Variants in DSE observed in about 807,000 individuals in gnomAD.
The protein encoded by DSE is dermatan-sulfate epimerase.
In DSE, 36 loss-of-function variants were observed where a neutral mutation model predicts 84.4. The observed-to-expected ratio is 0.43, with a 90% CI of 0.33 to 0.56. The LOEUF is 0.56. Among genes scored for constraint, DSE ranks in the 20% least tolerant of loss-of-function variants. DSE has a pLI of 0.06. For synonymous variants in DSE, 410 were observed against 430.1 expected, an observed-to-expected ratio of 0.95 and a Z score of 0.58; for missense variants, 862 against 1,169.6, an observed-to-expected ratio of 0.74 and a Z score of 3.84.
At chr6:116,418,182 A>G (rs537729402) in intron 2 of DSE, among the ~76,000 whole-genome samples, 1 of 152,216 alleles carries the variant, frequency 6.6e-6, no homozygotes, top group South Asian at 2.1e-4. Context: ...GGAACAAACA[A>G]AATTTTTCTG....
chr6:116,341,560 C>T (rs1777595951), intron 2 of DSE, among the ~76,000 whole-genome samples: 1 of 152,168 alleles, frequency 6.6e-6, no homozygotes, highest in Admixed American at 6.5e-5. Context: ...GTCATAAAGT[C>T]CTTGCCCATG....
At chr6:116,376,197 TTCTC>T (rs1028322691) in intron 1 of DSE, among the ~76,000 whole-genome samples, 1 of 152,204 alleles carries the variant, frequency 6.6e-6, no homozygotes, top group Non-Finnish European at 1.5e-5. Flanking sequence ...CCTCTTCCAC[TTCTC>T]TCTATCTCTT....
intron 1 of DSE, chr6:116,256,481 T>A (rs186841980): frequency 6.6e-6 from 1 of 152,328 alleles, no homozygotes; most frequent in East Asian, 1.9e-4. Flanking sequence ...AATTGTATGG[T>A]CCCACACTTG....
intron 1 of DSE, among the ~76,000 whole-genome samples, chr6:116,383,581 C>A (rs1438133497): frequency 6.6e-6 from 1 of 152,194 alleles, no homozygotes; most frequent in Non-Finnish European, 1.5e-5. Flanking sequence ...AAATATCTGG[C>A]CATATTTCAG....
At chr6:116,310,368 A>C (rs1775616894) in intron 2 of DSE, among the ~76,000 whole-genome samples, 3 of 151,506 alleles carry the variant, frequency 2.0e-5, no homozygotes, top group African/African-American at 7.3e-5. Context: ...TAGGCAAAAT[A>C]ATTCTTTTTT....
chr6:116,407,202 T>C (rs1372824015), intron 2 of DSE, among the ~76,000 whole-genome samples: 6 of 152,108 alleles, frequency 3.9e-5, no homozygotes, highest in Non-Finnish European at 8.8e-5. Flanking sequence ...TTTTAACAAG[T>C]CCTCTATATG....
chr6:116,379,957 A>T (rs1484229895), intron 1 of DSE, among the ~76,000 whole-genome samples: 2 of 152,120 alleles, frequency 1.3e-5, no homozygotes, highest in African/African-American at 4.8e-5. Flanking sequence ...AAGGAAGTGG[A>T]GTTAGTGGTG....
intron 2 of DSE, among the ~76,000 whole-genome samples, chr6:116,403,214 C>A (rs1029313): frequency 5.3e-5 from 8 of 151,892 alleles, no homozygotes; most frequent in East Asian, 3.8e-4. Flanking sequence ...AGCTCTCCCC[C>A]GTTTCTCTCC....
At chr6:116,367,358 A>G (rs577721756), upstream of DSE, 5 of 152,392 alleles carry the variant, frequency 3.3e-5, no homozygotes, top group Admixed American at 6.5e-5. Flanking sequence ...GAAGAAAAAC[A>G]AAAAGCATTT....
chr6:116,366,012 T>C (rs77614264), upstream of DSE: 30,924 of 152,204 alleles, frequency 0.2, 3,341 homozygotes, highest in East Asian at 0.27. Context: ...GTATCTCTCA[T>C]TGACAGCCCC....
chr6:116,409,929 TAAAAG>T (rs1399488469), intron 2 of DSE, among the ~76,000 whole-genome samples: 3 of 152,050 alleles, frequency 2.0e-5, no homozygotes, highest in African/African-American at 7.2e-5. Context: ...GGCCTGGAGA[TAAAAG>T]AAAGCAGAGT....
chr6:116,257,880 T>C lies in DSE; in HGVS notation c.-575-566T>C, dbSNP rs532056784. On this transcript the variant is annotated intron_variant, in intron 1 of 3. Transcript: ENST00000430252. ...TATTAGAGGGGACAAAAACACTCAG[T>C]CTATAGCCTGCCCCCATCCATAAAA... Among the ~76,000 whole-genome samples, 41 of 152,232 alleles carry C rather than the reference T, an allele frequency of 2.7e-4. No homozygotes were observed. The South Asian group carries it at 3.9e-3, about 15-fold the overall frequency.
At chr6:116,262,565 C>T (rs1772457025) in intron 2 of DSE, among the ~76,000 whole-genome samples, 1 of 152,090 alleles carries the variant, frequency 6.6e-6, no homozygotes, top group Non-Finnish European at 1.5e-5. Context: ...AGAAAACCAG[C>T]TCCTGGATTC....
intron 1 of DSE, among the ~76,000 whole-genome samples, chr6:116,384,965 G>A (rs1780488690): frequency 6.6e-6 from 1 of 152,198 alleles, no homozygotes; most frequent in African/African-American, 2.4e-5. Flanking sequence ...TGGTAATGAT[G>A]TCATTTAAAT....
At chr6:116,341,248 A>G (rs1209713984) in intron 2 of DSE, among the ~76,000 whole-genome samples, 1 of 152,134 alleles carries the variant, frequency 6.6e-6, no homozygotes, top group Non-Finnish European at 1.5e-5. Context: ...GATGATGACC[A>G]TTTTTTAATG....
intron 2 of DSE, among the ~76,000 whole-genome samples, chr6:116,307,024 T>C (rs1775388936): frequency 6.6e-6 from 1 of 152,226 alleles, no homozygotes; most frequent in African/African-American, 2.4e-5. Flanking sequence ...CAGACTAATA[T>C]ACCTCCTCTG....
chr6:116,399,537 C>T lies in DSE; in HGVS notation c.287C>T (p.Ala96Val). The T allele has an allele frequency of 6.2e-7, 1 of 1,614,204 alleles. No homozygotes were observed. Among genetic ancestry groups the T allele is most frequent in the Non-Finnish European group, 8.5e-7 (1 of 1,180,048 alleles). ...LPPWDPKDYS[A>V]RWNEIFGNNL... is the part of the protein sequence containing the mutation. ...CCCTGGGATCCCAAGGACTACAGTG[C>T]CCGCTGGAATGAAATTTTTGGAAAC... is the stretch of plus-strand genomic sequence containing the variant. The change falls in exon 2 of 6, where the codon GCC (alanine) becomes GTC (valine). Residue 96 changes from alanine to valine, a missense_variant. Ala to Val is a moderately conservative substitution (Grantham distance 64, BLOSUM62 0). Around this residue, in one of 4 missense-constraint regions of DSE, gnomAD observed 309 missense variants for 516.9 expected, o/e 0.60. Transcript: ENST00000644252.
intron 2 of DSE, among the ~76,000 whole-genome samples, chr6:116,347,517 A>G (rs1583062434): frequency 6.6e-6 from 1 of 152,260 alleles, no homozygotes; most frequent in Admixed American, 6.5e-5. Context: ...ATCTTTGACA[A>G]ACCTGACAAA....
chr6:116,357,218 G>T (rs1778625232), intron 2 of DSE, among the ~76,000 whole-genome samples: 1 of 152,020 alleles, frequency 6.6e-6, no homozygotes, highest in Non-Finnish European at 1.5e-5. Flanking sequence ...CCCCTCCCTG[G>T]CTCATGCCCT....
Sources: allele counts gnomAD v4.1 joint callset (sites outside exome capture counted in the v4.1 genomes callset), GRCh38; gene constraint gnomAD v4.1.1; regional missense constraint gnomAD v4.1.1; transcripts MANE v1.5; gene names NCBI Gene and HGNC (gene_info 2026-07-23, HGNC 2026-07-21).